The following AKAP9 variants were observed in gnomAD, a reference collection of about 807,000 sequenced individuals.
AKAP9 encodes A-kinase anchoring protein 9, also known as A-kinase anchor protein 9.
In AKAP9, 311 loss-of-function variants were observed where a neutral mutation model predicts 488.5. That is an observed-to-expected ratio of 0.64 (90% CI 0.58 to 0.70). The LOEUF (loss-of-function observed/expected upper bound fraction) is 0.70. Ranked by LOEUF, AKAP9 falls within the 30% of genes least tolerant of loss-of-function variation. AKAP9 has a pLI of 0.00. For missense variants in AKAP9, 4,215 were observed against 4,374.5 expected, an observed-to-expected ratio of 0.96 and a Z score of 1.03; for synonymous variants, 1,462 against 1,483.5, an observed-to-expected ratio of 0.99 and a Z score of 0.33.
intron 22 of AKAP9, among the ~76,000 whole-genome samples, chr7:92,059,691 A>G (rs1809411501): frequency 6.9e-6 from 1 of 143,970 alleles, no homozygotes; most frequent in Non-Finnish European, 1.5e-5. Flanking sequence ...TCATTATGTA[A>G]TGAACAGAAA....
intron 45 of AKAP9, among the ~76,000 whole-genome samples, chr7:92,102,163 TAAA>T (rs71933089): frequency 0.048 from 5,168 of 107,486 alleles, 276 homozygotes; most frequent in African/African-American, 0.16. Context: ...CTCATAAATT[TAAA>T]AAAAAAATAA....
In AKAP9 at chr7:92,098,071, G is replaced by A. The variant is rs6946356; in HGVS notation, c.10608-38G>A. ...TTTGTGGTAGTAAACACCCCCAATTGAGAAGGTATGTTTTGACTTTTTGTC... is the reference window on the plus strand; with the variant it reads ...TTTGTGGTAGTAAACACCCCCAATTAAGAAGGTATGTTTTGACTTTTTGTC... On this transcript the variant is annotated intron_variant, in intron 42 of 49. Coordinates refer to ENST00000356239, the MANE Select transcript of AKAP9 (RefSeq NM_005751.5). 528,967 of 1,363,662 alleles carry A rather than the reference G, an allele frequency of 0.39. 104,616 individuals are homozygous for A. The highest frequency in any genetic ancestry group is 0.47 in the African/African-American group (33,081 of 69,664). The allele number at this position is 1,363,662 out of a possible 1,614,324, so 84.5% of individuals were successfully genotyped here.
intron 21 of AKAP9, among the ~76,000 whole-genome samples, chr7:92,051,791 A>G (rs975562351): frequency 2.6e-5 from 4 of 152,340 alleles, no homozygotes; most frequent in African/African-American, 9.6e-5. Flanking sequence ...TTAACTTTGT[A>G]CAGTTACTGA....
chr7:91,994,577 G>T, intron 5 of AKAP9, 44 bp from the exon 6 acceptor site: 2 of 1,510,466 alleles, frequency 1.3e-6, no homozygotes, highest in Non-Finnish European at 1.8e-6. Context: ...TGTAATAATA[G>T]TCAATTAAAA....
At chr7:91,975,531 C>G (rs1184348335) in intron 2 of AKAP9, among the ~76,000 whole-genome samples, 1 of 151,936 alleles carries the variant, frequency 6.6e-6, no homozygotes, top group Admixed American at 6.6e-5. Context: ...TTGGTGAATT[C>G]CTTCGATTTT....
At position 92,110,607 on chromosome 7, in the gene AKAP9, A is replaced by C. The variant is rs1563168580; in HGVS notation, c.*448A>C. On this transcript the variant is annotated 3_prime_UTR_variant, in exon 50 of 50. Coordinates refer to ENST00000356239, the MANE Select transcript of AKAP9 (RefSeq NM_005751.5). ...AGACCTATTTTTGTATAATGGTAGA[A>C]GTTTTGAATTTTATGGGGTATTTTG... The C allele has an allele frequency of 4.7e-6, 1 of 213,044 alleles. No homozygotes were observed. The highest frequency in any genetic ancestry group is 9.5e-6 in the Non-Finnish European group (1 of 105,448). The allele number at this position is 213,044 out of a possible 1,614,324, so 13.2% of individuals were successfully genotyped here.
In AKAP9 at chr7:92,070,401, GTTGTTTTGTT is replaced by G. The variant is rs71528034; in HGVS notation, c.6507+233_6507+242del. Among the ~76,000 whole-genome samples, 55,193 of 145,290 alleles carry G rather than the reference GTTGTTTTGTT, an allele frequency of 0.38. 10,529 individuals carry two copies. Among genetic ancestry groups the G allele is most frequent in the East Asian group, 0.54 (2,656 of 4,874 alleles). On this transcript the variant is annotated intron_variant, in intron 27 of 49. Transcript: ENST00000356239. ...AAGGGAAGAGTTTTTTGTTGTTGTT[GTTGTTTTGTT>G]TTGTTTTGTTTTGTTTTGTTTTGTT... is the stretch of plus-strand genomic sequence containing the variant.
chr7:92,013,614 A>G (rs1047872229), intron 9 of AKAP9, among the ~76,000 whole-genome samples: 3 of 152,228 alleles, frequency 2.0e-5, no homozygotes, highest in African/African-American at 7.2e-5. Flanking sequence ...TGTCCTTTCC[A>G]TAAACAGTAA....
In AKAP9 at chr7:92,089,499, A is replaced by G; in HGVS notation, c.9328A>G (p.Arg3110Gly). ...QMNGRKITLK[R>G]EQESEKPSQE... ...GAATGGTAGGAAAATTACTCTGAAA[A>G]GAGAACAAGAGAGTGAGAAACCAAG... Residue 3110 changes from arginine to glycine, a missense_variant, in exon 38 of 50, where the codon AGA becomes GGA. Around this residue, in one of 5 missense-constraint regions of AKAP9, gnomAD observed 1,476 missense variants for 1,477.4 expected, o/e 1.00. Coordinates refer to ENST00000356239, the MANE Select transcript of AKAP9 (RefSeq NM_005751.5). 1 of 1,613,520 alleles carries G rather than the reference A, an allele frequency of 6.2e-7. No individual in the cohort carries two copies.
At chr7:92,102,491 C>CTACTACTACTACT in intron 45 of AKAP9, 103 bp from the exon 46 acceptor site, 1 of 656,632 alleles carries the variant, frequency 1.5e-6, no homozygotes, top group Non-Finnish European at 2.6e-6. Flanking sequence ...CTACTACTAC[C>CTACTACTACTACT]ACCACCACCA....
Position 91,978,840 on chromosome 7 carries a change from T to G in AKAP9, c.307-1449T>G, listed in dbSNP as rs1214168612. Among the ~76,000 whole-genome samples the G allele has an allele frequency of 2.0e-5, 3 of 151,382 alleles. No individual in the cohort carries two copies. The East Asian group carries it at 5.8e-4, about 29-fold the overall frequency. ...GGCATGATCTTGGTTCACCACAAGC[T>G]CTCCCTTCCAGGCCCAAGCAGTTCT... On this transcript the variant is annotated intron_variant, in intron 2 of 49. Coordinates refer to ENST00000356239, the MANE Select transcript of AKAP9 (RefSeq NM_005751.5).
intron 12 of AKAP9, among the ~76,000 whole-genome samples, chr7:92,018,441 C>CACACACACACAG (rs1554413469): frequency 3.3e-5 from 2 of 60,562 alleles, no homozygotes; most frequent in East Asian, 6.1e-4. Context: ...CACACACACA[C>CACACACACACAG]AGAGAAATAT....
rs1225550656 is a variant in AKAP9 at position 92,102,618 on chromosome 7, G to A, written c.11122G>A (p.Ala3708Thr). 6 of 1,613,962 alleles carry A rather than the reference G, an allele frequency of 3.7e-6. No homozygotes were observed. In the East Asian group the frequency reaches 6.7e-5, roughly 18 times the overall value. Reference protein sequence around the residue: ...LKRIYGKYLRAESFRKALIYQ... With the variant: ...LKRIYGKYLRTESFRKALIYQ... ...GAGAATTTATGGTAAATACTTGAGGGCAGAAAGTTTTCGAAAGGCTCTCAT... is the reference window on the plus strand; with the variant it reads ...GAGAATTTATGGTAAATACTTGAGGACAGAAAGTTTTCGAAAGGCTCTCAT... The change falls in exon 46 of 50, where the codon GCA (alanine) becomes ACA (threonine). Residue 3708 changes from alanine (A) to threonine (T), a missense_variant. Around this residue, in one of 5 missense-constraint regions of AKAP9, gnomAD observed 253 missense variants for 266.8 expected, o/e 0.95. Transcript: ENST00000356239.
At chr7:91,954,788 T>G (rs1419862484) in intron 1 of AKAP9, among the ~76,000 whole-genome samples, 3 of 152,114 alleles carry the variant, frequency 2.0e-5, no homozygotes, top group Admixed American at 2.0e-4. Flanking sequence ...TTTGTAAAGA[T>G]CCCCAGTGAG....
intron 8 of AKAP9, among the ~76,000 whole-genome samples, chr7:92,004,913 C>T (rs182217635): frequency 5.9e-5 from 9 of 152,298 alleles, no homozygotes; most frequent in African/African-American, 2.2e-4. Context: ...AAAGGGAATG[C>T]TTCCGGTTTT....
chr7:92,062,025 C>A (rs1242174877), intron 23 of AKAP9, among the ~76,000 whole-genome samples: 2 of 152,026 alleles, frequency 1.3e-5, no homozygotes, highest in Non-Finnish European at 2.9e-5. Flanking sequence ...TTTGGTATAG[C>A]AAAGTATTAG....
rs1226777175 is a variant in AKAP9 at position 92,083,316 on chromosome 7, A to G, written c.8307A>G (p.Pro2769=). The G allele has an allele frequency of 1.2e-6, 2 of 1,614,158 alleles. No homozygotes were observed. Among genetic ancestry groups the G allele is most frequent in the Non-Finnish European group, 1.7e-6 (2 of 1,180,024 alleles). ...QESKKACMFE[P]LPIKLSKSIA... is the part of the protein sequence containing the mutation. ...GCAAAAAGGCCTGCATGTTTGAGCCACTTCCTATAAAACTGAGTAAGAGCA... is the reference window on the plus strand; with the variant it reads ...GCAAAAAGGCCTGCATGTTTGAGCCGCTTCCTATAAAACTGAGTAAGAGCA... The change falls in exon 33 of 50, where the codon CCA becomes CCG. Residue 2769 remains proline (P), a synonymous_variant. Transcript: ENST00000356239.
At chr7:92,097,432 G>A in intron 41 of AKAP9, 75 bp downstream of exon 41, 1 of 1,558,212 alleles carries the variant, frequency 6.4e-7, no homozygotes, top group Admixed American at 1.9e-5. Flanking sequence ...TTTGATATTG[G>A]ATTAAATTAC....
intron 16 of AKAP9, among the ~76,000 whole-genome samples, chr7:92,036,338 T>C (rs1365704955): frequency 1.3e-5 from 2 of 151,974 alleles, no homozygotes; most frequent in Non-Finnish European, 2.9e-5. Flanking sequence ...AAGAGATGGG[T>C]CTGTCAGCCA....
Sources: allele counts gnomAD v4.1 joint callset (sites outside exome capture counted in the v4.1 genomes callset), GRCh38; gene constraint gnomAD v4.1.1; regional missense constraint gnomAD v4.1.1; transcripts MANE v1.5; gene names NCBI Gene and HGNC (gene_info 2026-07-23, HGNC 2026-07-21).